The following CTCFL variants were observed in gnomAD, a reference collection of about 807,000 sequenced individuals.
CTCFL encodes CCCTC-binding factor like, also known as transcriptional repressor CTCFL.
Under a neutral mutation model 67.4 loss-of-function variants are expected in CTCFL, and 36 were observed. The observed-to-expected ratio is 0.53, with a 90% confidence interval of 0.41 to 0.71. The LOEUF (loss-of-function observed/expected upper bound fraction) is 0.71. Among genes scored for constraint, CTCFL ranks in the 30% least tolerant of loss-of-function variants. CTCFL has a pLI of 0.00. For synonymous variants in CTCFL, 324 were observed against 302.3 expected, an observed-to-expected ratio of 1.07 and a Z score of -0.75; for missense variants, 786 against 835.2, an observed-to-expected ratio of 0.94 and a Z score of 0.73.
intron 3 of CTCFL, among the ~76,000 whole-genome samples, chr20:57,522,244 C>T (rs2069430453): frequency 6.6e-6 from 1 of 152,178 alleles, no homozygotes; most frequent in Admixed American, 6.5e-5. Flanking sequence ...ACTGAGTCAC[C>T]TTCCAATCCC....
intron 10 of CTCFL, chr20:57,499,832 A>T: frequency 3.2e-6 from 1 of 313,472 alleles, no homozygotes; most frequent in Non-Finnish European, 4.6e-6. Flanking sequence ...CAGGAGGCGG[A>T]GCTCAGGCGG....
intron 2 of CTCFL, 149 bp downstream of exon 2, chr20:57,523,514 C>G: frequency 8.5e-7 from 1 of 1,170,206 alleles, no homozygotes; most frequent in Non-Finnish European, 1.2e-6. Flanking sequence ...AAAAAAGAAC[C>G]TAAGAACTCT....
At chr20:57,515,928 C>A (rs2068886776) in intron 5 of CTCFL, 94 bp from the exon 6 acceptor site, 2 of 1,337,794 alleles carry the variant, frequency 1.5e-6, no homozygotes, top group African/African-American at 1.5e-5. Flanking sequence ...TTAAATTAAT[C>A]ATATTTTAAC....
At position 57,515,751 on chromosome 20, in the gene CTCFL, A is replaced by G. The variant is rs6025601; in HGVS notation, c.1143T>C (p.Asp381=). 0.21 allele frequency: 341,982 copies of G among 1,613,644 alleles called. 38,820 individuals carry two copies. Among genetic ancestry groups the G allele is most frequent in the African/African-American group, 0.37 (27,683 of 74,888 alleles). ...QCCQCSYASR[D]TYKLKRHMRT... ...TCATGTGGCGTTTCAGCTTGTAGGT[A>G]TCTCTGCTGGCATAGCTGCACTGGC... is the stretch of plus-strand genomic sequence containing the variant. The change falls in exon 6 of 11, where the codon GAT becomes GAC. Residue 381 remains aspartate, a synonymous_variant. Transcript: ENST00000243914.
At chr20:57,522,705 A>G (rs1297169446) in intron 3 of CTCFL, among the ~76,000 whole-genome samples, 2 of 152,144 alleles carry the variant, frequency 1.3e-5, no homozygotes, top group East Asian at 3.8e-4. Flanking sequence ...TGAAGGAGGA[A>G]TCACTCCTTC....
chr20:57,503,581 C>T lies in CTCFL; in HGVS notation c.1695G>A (p.Ser565=), dbSNP rs145703489. The change falls in exon 10 of 11, where the codon TCG becomes TCA. Residue 565 remains serine, a synonymous_variant. Coordinates refer to ENST00000243914, the MANE Select transcript of CTCFL (RefSeq NM_001386993.1). ...FSRWINLHRH[S]EKCGSGEAKS... is the part of the protein sequence containing the mutation. ...TTGCTTCCCCTGATCCACACTTCTC[C>T]GAATGTCTGTGCAGGTTAATCTGTC... is the stretch of plus-strand genomic sequence containing the variant. 44 of 1,613,946 alleles carry T rather than the reference C, an allele frequency of 2.7e-5. No homozygotes were observed. Among genetic ancestry groups the T allele is most frequent in the Non-Finnish European group, 3.2e-5 (38 of 1,180,030 alleles).
chr20:57,516,934 G>A (rs1313268584), intron 5 of CTCFL, among the ~76,000 whole-genome samples: 2 of 152,156 alleles, frequency 1.3e-5, no homozygotes, highest in South Asian at 2.1e-4. Context: ...AGCTACACGT[G>A]GACTACAGAC....
intron 8 of CTCFL, among the ~76,000 whole-genome samples, chr20:57,511,431 T>C (rs532741193): frequency 1.4e-4 from 22 of 152,286 alleles, no homozygotes; most frequent in African/African-American, 3.6e-4. Flanking sequence ...TCTTGGTCTA[T>C]CTTTTACTTT....
chr20:57,514,685 T>C lies in CTCFL; in HGVS notation c.1237A>G (p.Met413Val), dbSNP rs767734527. 1.5e-5 allele frequency: 24 copies of C among 1,614,110 alleles called. No individual in the cohort carries two copies. The highest frequency in any genetic ancestry group is 3.3e-4 in the Middle Eastern group (2 of 6,084). Reference protein sequence around the residue: ...CHTRFTQSGTMKIHILQKHGE... With the variant: ...CHTRFTQSGTVKIHILQKHGE... ...TGTTTCTGCAGAATATGTATTTTCA[T>C]GGTCCCGCTCTGGGTGAAGCGGGTG... The change falls in exon 7 of 11, where the codon ATG (methionine) becomes GTG (valine). Residue 413 changes from methionine (M) to valine (V), a missense_variant. Transcript: ENST00000243914.
At chr20:57,514,471 G>C in intron 7 of CTCFL, 121 bp downstream of exon 7, 1 of 1,204,638 alleles carries the variant, frequency 8.3e-7, no homozygotes, top group Non-Finnish European at 1.2e-6. Flanking sequence ...ATTCGTCCCA[G>C]GGCCAAGTTC....
intron 7 of CTCFL, chr20:57,513,960 T>G (rs964777904): frequency 5.1e-6 from 6 of 1,180,436 alleles, no homozygotes; most frequent in Non-Finnish European, 6.7e-6. Flanking sequence ...ACAGGCAGTA[T>G]CAAATCCCAG....
At chr20:57,499,886 C>CT (rs2067829124) in intron 10 of CTCFL, 2 of 830,090 alleles carry the variant, frequency 2.4e-6, no homozygotes, top group East Asian at 2.7e-4. Context: ...AAGCTTCACT[C>CT]CCTCACCCAC....
chr20:57,508,707 G>C lies in CTCFL; in HGVS notation c.1573C>G (p.Gln525Glu), dbSNP rs6070122. 36,431 of 1,614,114 alleles carry C rather than the reference G, an allele frequency of 0.023. 519 individuals carry two copies. Among genetic ancestry groups the C allele is most frequent in the Non-Finnish European group, 0.025 (29,759 of 1,179,976 alleles). The part of the protein sequence containing the change: ...TCLSCNKCFR[Q>E]KQLLNAHFRK... ...AAGTGAGCGTTTAGAAGTTGCTTCT[G>C]TCGGAAACATTTATTGCAAGAAAGG... Residue 525 changes from glutamine to glutamate, a missense_variant, in exon 9 of 11, where the codon CAG becomes GAG. By Grantham distance (29) the Gln-to-Glu change is conservative. This residue lies in a region of CTCFL where 199 missense variants were observed against 196.7 expected (regional missense o/e 1.01). Transcript: ENST00000243914.
In CTCFL at chr20:57,497,969, AT is replaced by A. The variant is rs537597245; in HGVS notation, c.*580del. Reference sequence around the variant, plus strand: ...GTTTTCCTTTTTATAAGAGTAAAACATTTTTTGGTTGAATTTAGAACTAATT... The same window carrying A: ...GTTTTCCTTTTTATAAGAGTAAAACATTTTTGGTTGAATTTAGAACTAATT... On this transcript the variant is annotated 3_prime_UTR_variant, in exon 11 of 11. Coordinates refer to ENST00000243914, the MANE Select transcript of CTCFL (RefSeq NM_001386993.1). The A allele has an allele frequency of 4.5e-4, 416 of 931,186 alleles. 2 individuals are homozygous for A. The African/African-American group carries it at 6.9e-3, about 15-fold the overall frequency. The allele number at this position is 931,186 out of a possible 1,614,324, so 57.7% of individuals were successfully genotyped here. A position where few individuals can be genotyped will look rare whatever the true frequency, so the allele number is the denominator to read the frequency against.
chr20:57,496,031 T>C (rs937373010), downstream of CTCFL: 2 of 391,130 alleles, frequency 5.1e-6, no homozygotes, highest in African/African-American at 4.1e-5. Flanking sequence ...GTAAAATACA[T>C]GATATAGTTT....
chr20:57,518,939 A>G (rs1419280374), intron 4 of CTCFL, 48 bp from the exon 5 acceptor site: 1 of 1,558,324 alleles, frequency 6.4e-7, no homozygotes, highest in African/African-American at 1.4e-5. Context: ...TTAACCAGAA[A>G]CATTCCAAGG....
At chr20:57,500,365 T>C in intron 10 of CTCFL, 1 of 292,328 alleles carries the variant, frequency 3.4e-6, no homozygotes, top group Admixed American at 4.3e-5. Context: ...GGCATGAGAA[T>C]CACTTGAACC....
At position 57,524,072 on chromosome 20, in the gene CTCFL, C is replaced by G. The variant is rs2069640738; in HGVS notation, c.134G>C (p.Ser45Thr). 6.2e-7 allele frequency: 1 copy of G among 1,613,650 alleles called. No individual in the cohort carries two copies. The highest frequency in any genetic ancestry group is 1.3e-5 in the African/African-American group (1 of 74,936). ...VCREKDHRSP[S>T]ELEAERTSGA... ...AGAGGTACGCTCGGCCTCCAACTCA[C>G]TAGGGCTCCGATGGTCTTTCTCTCT... The change falls in exon 2 of 11, where the codon AGT becomes ACT. Residue 45 changes from serine (S) to threonine (T), a missense_variant. Physicochemically the swap from Ser to Thr is moderately conservative, Grantham distance 58. Transcript: ENST00000243914.
intron 1 of CTCFL, 95 bp downstream of exon 1, chr20:57,524,933 G>A (rs1568890373): frequency 1.1e-5 from 2 of 178,694 alleles, no homozygotes; most frequent in Non-Finnish European, 2.1e-5. Context: ...GCCCGCCCTT[G>A]GGCCTTTCCG....
Sources: allele counts gnomAD v4.1 joint callset (sites outside exome capture counted in the v4.1 genomes callset), GRCh38; gene constraint gnomAD v4.1.1; regional missense constraint gnomAD v4.1.1; transcripts MANE v1.5; gene names NCBI Gene and HGNC (gene_info 2026-07-23, HGNC 2026-07-21).